The following ATP2A2 variants were observed in gnomAD, a reference collection of about 807,000 sequenced individuals.
ATP2A2 encodes the protein ATPase sarcoplasmic/endoplasmic reticulum Ca2+ transporting 2, also known as sarcoplasmic/endoplasmic reticulum calcium ATPase 2.
A neutral mutation model predicts 109.3 loss-of-function variants in ATP2A2; 14 were observed. The ratio of observed to expected loss-of-function variants is 0.13; its 90% confidence interval spans 0.08 to 0.20. ATP2A2 has a LOEUF of 0.20. Among genes scored for constraint, ATP2A2 ranks in the 10% least tolerant of loss-of-function variants. The pLI is 1.00. For synonymous variants in ATP2A2, 506 were observed against 490.9 expected (o/e 1.03, Z -0.41); for missense variants, 657 against 1,321.6 (o/e 0.50, Z 7.80).
rs755342869 is a variant in ATP2A2, at chr12:110,342,266, A to G, written c.2136A>G (p.Lys712=). The G allele has an allele frequency of 1.2e-6, 2 of 1,614,246 alleles. No individual in the cohort carries two copies. Among genetic ancestry groups the G allele is most frequent in the Non-Finnish European group, 1.7e-6 (2 of 1,180,052 alleles). ...TGAACGATGCTCCTGCTCTGAAGAA[A>G]GCCGAGATTGGCATTGCTATGGGCT... The part of the protein sequence containing the change: ...DGVNDAPALK[K]AEIGIAMGSG... Residue 712 remains lysine, a synonymous_variant, in exon 15 of 20, where the codon AAA becomes AAG. Coordinates refer to ENST00000539276, the MANE Select transcript of ATP2A2 (RefSeq NM_170665.4). This position sits in a 1 kb window ranked among gnomAD's most constrained non-coding sequence, Gnocchi z 4.6.
At chr12:110,305,696 T>C (rs1368066059) in intron 5 of ATP2A2, among the ~76,000 whole-genome samples, 2 of 152,212 alleles carry the variant, frequency 1.3e-5, no homozygotes, top group African/African-American at 4.8e-5. Flanking sequence ...TTGTTCAAGA[T>C]AATTTTGGGC....
intron 8 of ATP2A2, 101 bp downstream of exon 8, chr12:110,328,118 T>C (rs1328603085): frequency 8.4e-7 from 1 of 1,189,018 alleles, no homozygotes; most frequent in Admixed American, 1.9e-5. Flanking sequence ...TTTCATACAT[T>C]TCTGTGGGCT....
chr12:110,336,428 T>G lies in ATP2A2; in HGVS notation c.1419+2285T>G, dbSNP rs73415385. On this transcript the variant is annotated intron_variant, in intron 11 of 19. Transcript: ENST00000539276. ...AGCCCTTTCATCCCTTCCTGGATAA[T>G]AAGGGCAAATGAGGAGGCATTGTGT... Among the ~76,000 whole-genome samples, 399 of 152,322 alleles carry G rather than the reference T, an allele frequency of 2.6e-3. 2 individuals are homozygous for G. The highest frequency in any genetic ancestry group is 9.1e-3 in the African/African-American group (380 of 41,576).
rs1413321001 is a variant in ATP2A2, at chr12:110,281,831, C to T, written c.42C>T (p.Gly14=). ...CCAAGACGGTGGAGGAGGTGCTGGG[C>T]CACTTCGGCGTCAACGAGAGTACGG... ...AHTKTVEEVL[G]HFGVNESTGL... Residue 14 remains glycine (G), a synonymous_variant, in exon 1 of 20, where the codon GGC becomes GGT. Transcript: ENST00000539276. The T allele has an allele frequency of 4.9e-5, 77 of 1,560,528 alleles. No individual in the cohort carries two copies. Among genetic ancestry groups the T allele is most frequent in the Non-Finnish European group, 6.3e-5 (73 of 1,155,142 alleles).
At chr12:110,322,671 C>T (rs1283256102) in intron 5 of ATP2A2, among the ~76,000 whole-genome samples, 1 of 152,132 alleles carries the variant, frequency 6.6e-6, no homozygotes, top group African/African-American at 2.4e-5. Flanking sequence ...CTTTTACTTA[C>T]TGCTAAGTAG....
In ATP2A2 at chr12:110,346,311, C is replaced by T; in HGVS notation, c.2970C>T (p.Tyr990=). 6.2e-7 allele frequency: 1 copy of T among 1,614,166 alleles called. No homozygotes were observed. Among genetic ancestry groups the T allele is most frequent in the Non-Finnish European group, 8.5e-7 (1 of 1,180,036 alleles). Residue 990 remains tyrosine (Y), a synonymous_variant, in exon 20 of 20, where the codon TAC becomes TAT. Transcript: ENST00000539276. ...DETLKFVARN[Y]LEPGKECVQP... is the part of the protein sequence containing the mutation. ...CGCTCAAGTTTGTGGCCCGCAACTA[C>T]CTGGAACCTGGTAAAGAGTGTGTGC... is the stretch of plus-strand genomic sequence containing the variant.
At position 110,348,308 on chromosome 12, in the gene ATP2A2, G is replaced by C; in HGVS notation, c.*1838G>C. On this transcript the variant is annotated 3_prime_UTR_variant, in exon 20 of 20. Coordinates refer to ENST00000539276, the MANE Select transcript of ATP2A2 (RefSeq NM_170665.4). The stretch of plus-strand genomic sequence containing the variant: ...TCTTGTCCTTGGTGGCTAAGACTTA[G>C]CTCTGCAGGGGATGTTAAAGCACAG... 1.0e-6 allele frequency: 1 copy of C among 985,270 alleles called. No individual in the cohort carries two copies. The highest frequency in any genetic ancestry group is 1.2e-6 in the Non-Finnish European group (1 of 829,956). The allele number at this position is 985,270 out of a possible 1,614,324, so 61.0% of individuals were successfully genotyped here. A position where few individuals can be genotyped will look rare whatever the true frequency, so the allele number is the denominator to read the frequency against.
At chr12:110,332,560 T>C (rs1257553754) in intron 8 of ATP2A2, 37 bp from the exon 9 acceptor site, 3 of 1,522,922 alleles carry the variant, frequency 2.0e-6, no homozygotes, top group African/African-American at 1.4e-5. Flanking sequence ...TTTTTAAAAA[T>C]CCCTTTTAAA....
In ATP2A2 at chr12:110,348,499, A is replaced by C. The variant is rs1880097314; in HGVS notation, c.*2029A>C. Reference sequence around the variant, plus strand: ...TGGGGAGGGTTAGGAGGCATCAAGCAGGACAAGGTGCTGCTGAGTTCAGAG... The same window carrying C: ...TGGGGAGGGTTAGGAGGCATCAAGCCGGACAAGGTGCTGCTGAGTTCAGAG... On this transcript the variant is annotated 3_prime_UTR_variant, in exon 20 of 20. Transcript: ENST00000539276. The C allele has an allele frequency of 1.0e-6, 1 of 985,406 alleles. No individual in the cohort carries two copies. The highest frequency in any genetic ancestry group is 6.2e-5 in the Admixed American group (1 of 16,252). 61.0% of individuals were successfully genotyped at this position (985,406 alleles called of 1,614,324 possible). A position where few individuals can be genotyped will look rare whatever the true frequency, so the allele number is the denominator to read the frequency against.
intron 5 of ATP2A2, among the ~76,000 whole-genome samples, chr12:110,307,017 C>T (rs564495597): frequency 8.9e-4 from 136 of 151,962 alleles, no homozygotes; most frequent in African/African-American, 3.2e-3. Context: ...CCTTGGCCTC[C>T]GAAAGTGCTG....
Position 110,349,319 on chromosome 12 carries a change from C to G in ATP2A2, c.*2849C>G, listed in dbSNP as rs566993303. ...CCCAGCCCCGCAATGTGCCTGCTGTCAGGCAGCTCTTGCCTGAAACTTACT... is the reference window on the plus strand; with the variant it reads ...CCCAGCCCCGCAATGTGCCTGCTGTGAGGCAGCTCTTGCCTGAAACTTACT... On this transcript the variant is annotated 3_prime_UTR_variant, in exon 20 of 20. Coordinates refer to ENST00000539276, the MANE Select transcript of ATP2A2 (RefSeq NM_170665.4). The G allele has an allele frequency of 1.0e-6, 1 of 985,266 alleles. No individual in the cohort carries two copies. Among genetic ancestry groups the G allele is most frequent in the Non-Finnish European group, 1.2e-6 (1 of 829,966 alleles). The allele number at this position is 985,266 out of a possible 1,614,324, so 61.0% of individuals were successfully genotyped here. A position where few individuals can be genotyped will look rare whatever the true frequency, so the allele number is the denominator to read the frequency against.
intron 5 of ATP2A2, among the ~76,000 whole-genome samples, chr12:110,303,035 T>G (rs1874851134): frequency 6.6e-6 from 1 of 152,224 alleles, no homozygotes; most frequent in Non-Finnish European, 1.5e-5. Context: ...GGCATTTTAT[T>G]AAATACTGTT....
At chr12:110,338,602 G>C (rs1216767582) in intron 11 of ATP2A2, among the ~76,000 whole-genome samples, 2 of 152,110 alleles carry the variant, frequency 1.3e-5, no homozygotes, top group South Asian at 4.1e-4. Flanking sequence ...GGGATTACAG[G>C]TGCCTGCCAC....
At chr12:110,282,006 C>A (rs943743623) in intron 1 of ATP2A2, 99 bp downstream of exon 1, 2 of 938,858 alleles carry the variant, frequency 2.1e-6, no homozygotes, top group African/African-American at 1.8e-5. Context: ...GCTCCGCGCC[C>A]GCCGACAGCT....
Position 110,347,078 on chromosome 12 carries a change from GATT to G in ATP2A2, c.*609_*611del, listed in dbSNP as rs1209276539. On this transcript the variant is annotated 3_prime_UTR_variant, in exon 20 of 20. Coordinates refer to ENST00000539276, the MANE Select transcript of ATP2A2 (RefSeq NM_170665.4). ...CCGCCCCGCTTGGCTTCTTCTTTAG[GATT>G]GTGATGGTTCGTTCTGTTTACATCA... 13 of 1,066,006 alleles carry G rather than the reference GATT, an allele frequency of 1.2e-5. No individual in the cohort carries two copies. Among genetic ancestry groups the G allele is most frequent in the African/African-American group, 1.8e-5 (1 of 55,102 alleles). 66.0% of individuals were successfully genotyped at this position (1,066,006 alleles called of 1,614,324 possible). A position where few individuals can be genotyped will look rare whatever the true frequency, so the allele number is the denominator to read the frequency against.
chr12:110,291,957 A>T, intron 3 of ATP2A2, 63 bp from the exon 4 acceptor site: 1 of 1,466,710 alleles, frequency 6.8e-7, no homozygotes, highest in Non-Finnish European at 9.6e-7. Context: ...AGTGCTAGCC[A>T]CTTTTTAAAA....
chr12:110,294,188 T>G (rs1873707278), intron 4 of ATP2A2, among the ~76,000 whole-genome samples: 1 of 151,848 alleles, frequency 6.6e-6, no homozygotes, highest in Non-Finnish European at 1.5e-5. Flanking sequence ...GGATTACAGG[T>G]GCCCACCACC....
At position 110,349,406 on chromosome 12, in the gene ATP2A2, A is replaced by G. The variant is rs1211144583; in HGVS notation, c.*2936A>G. ...CCAGCCATCAGTGTCGCTTGTTGCC[A>G]CCCCGTGCCTCCCTTGGCCTCTCTG... On this transcript the variant is annotated 3_prime_UTR_variant, in exon 20 of 20. Transcript: ENST00000539276. 2.0e-6 allele frequency: 2 copies of G among 985,334 alleles called. No individual in the cohort carries two copies. Among genetic ancestry groups the G allele is most frequent in the Non-Finnish European group, 2.4e-6 (2 of 830,000 alleles). 61.0% of individuals were successfully genotyped at this position (985,334 alleles called of 1,614,324 possible).
At chr12:110,341,059 G>A (rs1241681988) in intron 14 of ATP2A2, 65 bp downstream of exon 14, 3 of 1,565,542 alleles carry the variant, frequency 1.9e-6, no homozygotes, top group Admixed American at 1.8e-5. Context: ...CTCTAATTTT[G>A]ACCACTGAAT....
Sources: allele counts gnomAD v4.1 joint callset (sites outside exome capture counted in the v4.1 genomes callset), GRCh38; gene constraint gnomAD v4.1.1; non-coding constraint Gnocchi (gnomAD v3.1); transcripts MANE v1.5; gene names NCBI Gene and HGNC (gene_info 2026-07-23, HGNC 2026-07-21).